The following TOGARAM2 variants were observed in gnomAD, a reference collection of about 807,000 sequenced individuals.
TOGARAM2 encodes TOG array regulator of axonemal microtubules 2.
Under a neutral mutation model 93.3 loss-of-function variants are expected in TOGARAM2, and 85 were observed. The observed-to-expected ratio is 0.91, with a 90% CI of 0.76 to 1.09. The LOEUF (loss-of-function observed/expected upper bound fraction) is 1.09. TOGARAM2 is among the 50% of genes least tolerant of loss of function. The pLI is 0.00. For missense variants in TOGARAM2, 1,277 were observed against 1,334.5 expected (o/e 0.96, Z 0.67); for synonymous variants, 593 against 552.8 (o/e 1.07, Z -1.02).
At chr2:28,998,486 A>G (rs954563272) in intron 3 of TOGARAM2, among the ~76,000 whole-genome samples, 2 of 152,234 alleles carry the variant, frequency 1.3e-5, no homozygotes, top group East Asian at 3.9e-4. Context: ...GGCTCTCTGC[A>G]TGCGCCTGGA....
intron 6 of TOGARAM2, among the ~76,000 whole-genome samples, chr2:29,008,775 C>A (rs1664038100): frequency 6.6e-6 from 1 of 152,180 alleles, no homozygotes; most frequent in Non-Finnish European, 1.5e-5. Flanking sequence ...TTATTTAAAC[C>A]TCATTCTGTT....
rs1037153798 is a variant in TOGARAM2, at chr2:28,999,124, G to A, written c.140-57G>A. On this transcript the variant is annotated intron_variant, in intron 3 of 19. Transcript: ENST00000379558. Reference sequence around the variant, plus strand: ...AAGCAATGTCAAGGAGCTTGCTGGTGCCTGGTGCCACCCTGGGTACTGCGT... The same window carrying A: ...AAGCAATGTCAAGGAGCTTGCTGGTACCTGGTGCCACCCTGGGTACTGCGT... 2.0e-6 allele frequency: 3 copies of A among 1,519,666 alleles called. No homozygotes were observed. The East Asian group carries it at 6.9e-5, about 35-fold the overall frequency. 94.1% of individuals were successfully genotyped at this position (1,519,666 alleles called of 1,614,324 possible). A position where few individuals can be genotyped will look rare whatever the true frequency, so the allele number is the denominator to read the frequency against.
chr2:28,978,585 T>C (rs1037129247), upstream of TOGARAM2, among the ~76,000 whole-genome samples: 1 of 152,182 alleles, frequency 6.6e-6, no homozygotes, highest in African/African-American at 2.4e-5. Flanking sequence ...CATGGAAAGT[T>C]ATAGAATGTT....
At chr2:28,965,344 C>T (rs958700051) in intron 1 of TOGARAM2, among the ~76,000 whole-genome samples, 3 of 150,818 alleles carry the variant, frequency 2.0e-5, no homozygotes, top group East Asian at 1.9e-4. Flanking sequence ...GCCCTTTTCC[C>T]CCTTCTTCTC....
At chr2:29,045,472 G>A in intron 19 of TOGARAM2, 62 bp downstream of exon 19, 2 of 1,417,318 alleles carry the variant, frequency 1.4e-6, no homozygotes, top group Middle Eastern at 1.7e-4. Flanking sequence ...CTCCTGGTCT[G>A]TGGTTGAACC....
chr2:29,031,420 A>G (rs1326462117), intron 14 of TOGARAM2, among the ~76,000 whole-genome samples: 1 of 152,228 alleles, frequency 6.6e-6, no homozygotes, highest in Non-Finnish European at 1.5e-5. Flanking sequence ...TTTCCATTGT[A>G]GGAACTACAC....
At chr2:28,994,292 C>T (rs562961018) in intron 1 of TOGARAM2, among the ~76,000 whole-genome samples, 23 of 152,092 alleles carry the variant, frequency 1.5e-4, no homozygotes, top group African/African-American at 2.4e-4. Context: ...AACTGGTGTC[C>T]GAGAGGCCCC....
chr2:29,024,818 C>A (rs887741844), intron 13 of TOGARAM2, among the ~76,000 whole-genome samples: 1 of 152,140 alleles, frequency 6.6e-6, no homozygotes, highest in Non-Finnish European at 1.5e-5. Context: ...TCCTGTCACC[C>A]CCAGGAGCAG....
At chr2:29,041,186 G>A (rs923010041) in intron 18 of TOGARAM2, among the ~76,000 whole-genome samples, 2 of 151,954 alleles carry the variant, frequency 1.3e-5, no homozygotes, top group Non-Finnish European at 2.9e-5. Context: ...CACCACACCC[G>A]GCCAATTTTT....
chr2:29,039,658 T>A (rs1461949194), intron 18 of TOGARAM2, among the ~76,000 whole-genome samples: 1 of 152,186 alleles, frequency 6.6e-6, no homozygotes, highest in Non-Finnish European at 1.5e-5. Context: ...GAATGAGACA[T>A]GTTTGCAGCT....
Position 28,994,773 on chromosome 2 carries a change from T to G in TOGARAM2, c.-62T>G, listed in dbSNP as rs1462627831. ...CCCTCCAGACCCCCAAGGACTGTACTCACTGCCCAGAAATAGCTGCTGCCT... is the reference window on the plus strand; with the variant it reads ...CCCTCCAGACCCCCAAGGACTGTACGCACTGCCCAGAAATAGCTGCTGCCT... On this transcript the variant is annotated 5_prime_UTR_variant, in exon 2 of 20. Coordinates refer to ENST00000379558, the MANE Select transcript of TOGARAM2 (RefSeq NM_199280.4). 2 of 1,537,964 alleles carry G rather than the reference T, an allele frequency of 1.3e-6. No homozygotes were observed. Among genetic ancestry groups the G allele is most frequent in the Non-Finnish European group, 1.8e-6 (2 of 1,134,632 alleles).
intron 1 of TOGARAM2, among the ~76,000 whole-genome samples, chr2:28,976,155 G>C (rs1028565800): frequency 3.3e-5 from 5 of 152,182 alleles, no homozygotes; most frequent in South Asian, 2.1e-4. Context: ...TGGATCACGA[G>C]GTCAGGAGAT....
intron 1 of TOGARAM2, among the ~76,000 whole-genome samples, chr2:28,982,001 G>A (rs868814486): frequency 7.2e-5 from 11 of 152,140 alleles, no homozygotes; most frequent in African/African-American, 2.7e-4. Context: ...GGCCTTGGAG[G>A]GGCTCTGCTC....
rs1427159339 is a variant in TOGARAM2, at chr2:29,014,410, C to T, written c.893C>T (p.Ala298Val). The change falls in exon 8 of 20, where the codon GCC (alanine) becomes GTC (valine). Residue 298 changes from alanine (A) to valine (V), a missense_variant. Ala to Val is a moderately conservative substitution (Grantham distance 64). Transcript: ENST00000379558. ...TPASLEPKPL[A>V]SPIRDRPAAA... ...AACCCCTCAGAGCCAAAACCTTTGG[C>T]CTCACCCATCAGAGACAGGCCTGCC... 1 of 1,610,406 alleles carries T rather than the reference C, an allele frequency of 6.2e-7. No homozygotes were observed. The highest frequency in any genetic ancestry group is 8.5e-7 in the Non-Finnish European group (1 of 1,178,716).
chr2:28,977,253 A>G (rs1672051405), upstream of TOGARAM2, among the ~76,000 whole-genome samples: 1 of 152,202 alleles, frequency 6.6e-6, no homozygotes, highest in African/African-American at 2.4e-5. Context: ...ACCCTTGGCC[A>G]TGCCCTATGC....
intron 1 of TOGARAM2, among the ~76,000 whole-genome samples, chr2:28,966,978 T>C (rs1480863383): frequency 2.0e-5 from 3 of 152,230 alleles, no homozygotes; most frequent in Admixed American, 6.5e-5. Flanking sequence ...ATAGGTTTTA[T>C]TTTTTAAAGT....
intron 12 of TOGARAM2, among the ~76,000 whole-genome samples, chr2:29,023,780 A>G (rs1377826783): frequency 7.0e-6 from 1 of 142,248 alleles, no homozygotes; most frequent in Non-Finnish European, 1.5e-5. Context: ...GAAAAAATAC[A>G]GTTACATTCT....
intron 1 of TOGARAM2, among the ~76,000 whole-genome samples, chr2:28,975,429 CTG>C (rs1672013665): frequency 6.6e-6 from 1 of 152,074 alleles, no homozygotes; most frequent in African/African-American, 2.4e-5. Flanking sequence ...ACCTCGTGAT[CTG>C]CCCGCCTCGG....
At chr2:29,048,678 CTT>C (rs527610174) in intron 19 of TOGARAM2, 46,200 of 128,600 alleles carry the variant, frequency 0.36, 8,129 homozygotes, top group Admixed American at 0.41. Context: ...AATTTCCTTC[CTT>C]TTTTTTTTTT....
Sources: allele counts gnomAD v4.1 joint callset (sites outside exome capture counted in the v4.1 genomes callset), GRCh38; gene constraint gnomAD v4.1.1; transcripts MANE v1.5; gene names NCBI Gene and HGNC (gene_info 2026-07-23, HGNC 2026-07-21).